ACTC1: variants seen among roughly 807,000 people sequenced by gnomAD.
ACTC1 encodes actin, alpha cardiac muscle 1.
In ACTC1, 10 loss-of-function variants were observed where a neutral mutation model predicts 31.6. The ratio of observed to expected loss-of-function variants is 0.32; its 90% confidence interval spans 0.19 to 0.54. The LOEUF is 0.54. Ranked by LOEUF, ACTC1 falls within the 20% of genes least tolerant of loss-of-function variation. ACTC1 has a pLI of 0.95. For missense variants in ACTC1, 129 were observed against 506.4 expected (o/e 0.25, Z 7.15); for synonymous variants, 196 against 185.0 (o/e 1.06, Z -0.48).
In ACTC1 at chr15:34,794,678, A is replaced by T; in HGVS notation, c.129+2T>A. 6.2e-7 allele frequency: 1 copy of T among 1,611,276 alleles called. No individual in the cohort carries two copies. Among genetic ancestry groups the T allele is most frequent in the Non-Finnish European group, 8.5e-7 (1 of 1,178,626 alleles). Reference sequence around the variant, plus strand: ...GGACGGGGGGCTCGGCGGGAAGTTTACCTGGTGCCGCGGGCGGCCCACGAT... The same window carrying T: ...GGACGGGGGGCTCGGCGGGAAGTTTTCCTGGTGCCGCGGGCGGCCCACGAT... On this transcript the variant is annotated splice_donor_variant, in intron 2 of 6. Coordinates refer to ENST00000290378, the MANE Select transcript of ACTC1 (RefSeq NM_005159.5). LOFTEE classifies it high-confidence loss of function.
rs373261583 is a variant in ACTC1, at chr15:34,793,453, G to A, written c.246C>T (p.Asp82=). 4.5e-5 allele frequency: 73 copies of A among 1,613,954 alleles called. No homozygotes were observed. The highest frequency in any genetic ancestry group is 1.1e-4 in the African/African-American group (8 of 74,880). ...PIEHGIITNW[D]DMEKIWHHTF... ...TGTGGTGCCAGATCTTCTCCATGTCGTCCCAGTTGGTGATGATACCATGCT... is the reference window on the plus strand; with the variant it reads ...TGTGGTGCCAGATCTTCTCCATGTCATCCCAGTTGGTGATGATACCATGCT... The change falls in exon 3 of 7, where the codon GAC becomes GAT. Residue 82 remains aspartate, a synonymous_variant. Coordinates refer to ENST00000290378, the MANE Select transcript of ACTC1 (RefSeq NM_005159.5). The surrounding 1 kb of genome is among the most constrained non-coding windows in gnomAD (Gnocchi z 4.8).
At chr15:34,795,075 A>G (rs1410297013) in intron 1 of ACTC1, among the ~76,000 whole-genome samples, 1 of 152,064 alleles carries the variant, frequency 6.6e-6, no homozygotes, top group Non-Finnish European at 1.5e-5. Context: ...AGTTCCAGCT[A>G]GGGTGCCAGG....
At chr15:34,791,889 G>T (rs1891713657) in intron 5 of ACTC1, 1 of 597,546 alleles carries the variant, frequency 1.7e-6, no homozygotes, top group Non-Finnish European at 2.9e-6. Flanking sequence ...TGAACTCAGT[G>T]TGTCATCCTT....
chr15:34,794,601 G>T, intron 2 of ACTC1, 79 bp downstream of exon 2: 1 of 1,516,496 alleles, frequency 6.6e-7, no homozygotes, highest in Non-Finnish European at 8.9e-7. Flanking sequence ...TCGAACAAGA[G>T]GGTCAGGTGA....
chr15:34,791,405 T>C, intron 5 of ACTC1, 110 bp from the exon 6 acceptor site: 1 of 1,417,530 alleles, frequency 7.1e-7, no homozygotes, highest in Non-Finnish European at 9.8e-7. Context: ...CTTCTTTGTG[T>C]GGGGGAGCTG....
At chr15:34,795,107 C>T (rs1891795370) in intron 1 of ACTC1, among the ~76,000 whole-genome samples, 1 of 152,072 alleles carries the variant, frequency 6.6e-6, no homozygotes, top group Non-Finnish European at 1.5e-5. Context: ...ACCCAAGAAA[C>T]CCAGCCCCTT....
Position 34,794,662 on chromosome 15 carries a change from G to A in ACTC1, c.129+18C>T. 6.2e-7 allele frequency: 1 copy of A among 1,608,470 alleles called. No homozygotes were observed. The highest frequency in any genetic ancestry group is 8.5e-7 in the Non-Finnish European group (1 of 1,176,892). ...GAAGGGGTCCCGAGTGGGACGGGGG[G>A]CTCGGCGGGAAGTTTACCTGGTGCC... On this transcript the variant is annotated intron_variant, in intron 2 of 6. Transcript: ENST00000290378.
rs1891676288 is a variant in ACTC1 at position 34,790,329 on chromosome 15, A to C, written c.*83T>G. ...AACAAACTGTACAATGATTGATGAA[A>C]GATGAGGGAAGGTGGTTTGGAAGAC... On this transcript the variant is annotated 3_prime_UTR_variant, in exon 7 of 7. Coordinates refer to ENST00000290378, the MANE Select transcript of ACTC1 (RefSeq NM_005159.5). The C allele has an allele frequency of 6.6e-7, 1 of 1,521,266 alleles. No homozygotes were observed. Among genetic ancestry groups the C allele is most frequent in the African/African-American group, 1.4e-5 (1 of 72,954 alleles). 94.2% of individuals were successfully genotyped at this position (1,521,266 alleles called of 1,614,324 possible).
Position 34,792,878 on chromosome 15 carries a change from A to C in ACTC1, c.455-309T>G. 2.0e-6 allele frequency: 1 copy of C among 507,356 alleles called. No individual in the cohort carries two copies. The highest frequency in any genetic ancestry group is 2.1e-5 in the South Asian group (1 of 47,588). The allele number at this position is 507,356 out of a possible 1,614,324, so 31.4% of individuals were successfully genotyped here. ...CCCAAGGGTGTTTTTCTTTGCTCCT[A>C]TTGAACTTACACGTTTCTCTCTCTT... is the stretch of plus-strand genomic sequence containing the variant. On this transcript the variant is annotated intron_variant, in intron 3 of 6. Coordinates refer to ENST00000290378, the MANE Select transcript of ACTC1 (RefSeq NM_005159.5). This position sits in a 1 kb window ranked among gnomAD's most constrained non-coding sequence, Gnocchi z 5.3.
Position 34,792,356 on chromosome 15 carries a change from A to G in ACTC1, c.616+52T>C. 1 of 1,613,994 alleles carries G rather than the reference A, an allele frequency of 6.2e-7. No individual in the cohort carries two copies. The highest frequency in any genetic ancestry group is 8.5e-7 in the Non-Finnish European group (1 of 1,179,852). On this transcript the variant is annotated intron_variant, in intron 4 of 6. Coordinates refer to ENST00000290378, the MANE Select transcript of ACTC1 (RefSeq NM_005159.5). This position sits in a 1 kb window ranked among gnomAD's most constrained non-coding sequence, Gnocchi z 5.3. ...TATAGGGAGGTAGGCGGATTCAGTG[A>G]GAGAGGAGGAAAGCAGACCCACACT...
rs1025398990 is a variant in ACTC1, at chr15:34,790,260, T to C, written c.*152A>G. On this transcript the variant is annotated 3_prime_UTR_variant, in exon 7 of 7. Coordinates refer to ENST00000290378, the MANE Select transcript of ACTC1 (RefSeq NM_005159.5). Reference sequence around the variant, plus strand: ...TGCAAGTCCTGGTCTGGTTTATTTATAAAGCAATAAATATTAGAAGCACAA... The same window carrying C: ...TGCAAGTCCTGGTCTGGTTTATTTACAAAGCAATAAATATTAGAAGCACAA... 1.8e-6 allele frequency: 2 copies of C among 1,083,268 alleles called. No individual in the cohort carries two copies. The highest frequency in any genetic ancestry group is 1.9e-5 in the Admixed American group (1 of 51,768). 67.1% of individuals were successfully genotyped at this position (1,083,268 alleles called of 1,614,324 possible).
Position 34,792,986 on chromosome 15 carries a change from T to A in ACTC1, c.454+259A>T. ...GATGGTTTAAACACATAACAATGAC[T>A]GCTGCACTCCAAGCTGCTACACTGC... On this transcript the variant is annotated intron_variant, in intron 3 of 6. Coordinates refer to ENST00000290378, the MANE Select transcript of ACTC1 (RefSeq NM_005159.5). The surrounding 1 kb of genome is among the most constrained non-coding windows in gnomAD (Gnocchi z 5.3). 1.8e-6 allele frequency: 1 copy of A among 560,138 alleles called. No individual in the cohort carries two copies. The highest frequency in any genetic ancestry group is 3.0e-5 in the East Asian group (1 of 32,898). 34.7% of individuals were successfully genotyped at this position (560,138 alleles called of 1,614,324 possible).
At chr15:34,791,854 C>G (rs1398928498) in intron 5 of ACTC1, 1 of 548,580 alleles carries the variant, frequency 1.8e-6, no homozygotes, top group Non-Finnish European at 3.3e-6. Flanking sequence ...TCAGTTACTA[C>G]TCTGTGTCAT....
chr15:34,794,601 G>C (rs1328394338), intron 2 of ACTC1, 79 bp downstream of exon 2: 2 of 1,516,498 alleles, frequency 1.3e-6, no homozygotes, highest in African/African-American at 1.4e-5. Flanking sequence ...TCGAACAAGA[G>C]GGTCAGGTGA....
Position 34,793,907 on chromosome 15 carries a change from T to C in ACTC1, c.130-338A>G, listed in dbSNP as rs1891759090. Reference sequence around the variant, plus strand: ...TCACCCATGTCAACTGGAATATAGATGACTGCATTTTGGAATGACTGAATT... The same window carrying C: ...TCACCCATGTCAACTGGAATATAGACGACTGCATTTTGGAATGACTGAATT... On this transcript the variant is annotated intron_variant, in intron 2 of 6. Coordinates refer to ENST00000290378, the MANE Select transcript of ACTC1 (RefSeq NM_005159.5). The surrounding 1 kb of genome is among the most constrained non-coding windows in gnomAD (Gnocchi z 4.8). Among the ~76,000 whole-genome samples the C allele has an allele frequency of 6.6e-6, 1 of 152,242 alleles. No individual in the cohort carries two copies. Among genetic ancestry groups the C allele is most frequent in the South Asian group, 2.1e-4 (1 of 4,832 alleles).
At chr15:34,794,869 G>T in intron 1 of ACTC1, 39 bp from the exon 2 acceptor site, 3 of 1,590,548 alleles carry the variant, frequency 1.9e-6, no homozygotes, top group South Asian at 1.1e-5. Flanking sequence ...ACGCTTAGCT[G>T]CCTGTGCAGC....
chr15:34,792,727 G>C lies in ACTC1; in HGVS notation c.455-158C>G. 1 of 773,204 alleles carries C rather than the reference G, an allele frequency of 1.3e-6. No homozygotes were observed. The highest frequency in any genetic ancestry group is 2.2e-6 in the Non-Finnish European group (1 of 461,236). The allele number at this position is 773,204 out of a possible 1,614,324, so 47.9% of individuals were successfully genotyped here. ...CCTTACACACAAAGAATAAAAATGCGCATCAGGAATACTAAATCTGAAGCA... is the reference window on the plus strand; with the variant it reads ...CCTTACACACAAAGAATAAAAATGCCCATCAGGAATACTAAATCTGAAGCA... On this transcript the variant is annotated intron_variant, in intron 3 of 6. Coordinates refer to ENST00000290378, the MANE Select transcript of ACTC1 (RefSeq NM_005159.5). The surrounding 1 kb of genome is among the most constrained non-coding windows in gnomAD (Gnocchi z 5.3).
intron 6 of ACTC1, 75 bp from the exon 7 acceptor site, chr15:34,790,630 T>G: frequency 6.4e-7 from 1 of 1,569,064 alleles, no homozygotes; most frequent in Non-Finnish European, 8.8e-7. Flanking sequence ...ATTGGGAGGA[T>G]TCACAGAAAA....
In ACTC1 at chr15:34,791,307, T is replaced by TCACACACACACACA. The variant is rs59431308; in HGVS notation, c.809-26_809-13dup. ...AGCAGATTCCATACCTGGGAACGAG[T>TCACACACACACACA]CACACACACACACACACACACACAC... On this transcript the variant is annotated splice_polypyrimidine_tract_variant and intron_variant, in intron 5 of 6. Coordinates refer to ENST00000290378, the MANE Select transcript of ACTC1 (RefSeq NM_005159.5). 3.4e-5 allele frequency: 44 copies of TCACACACACACACA among 1,309,238 alleles called. No individual in the cohort carries two copies. The African/African-American group carries it at 4.5e-4, about 13-fold the overall frequency. 81.1% of individuals were successfully genotyped at this position (1,309,238 alleles called of 1,614,324 possible). A position where few individuals can be genotyped will look rare whatever the true frequency, so the allele number is the denominator to read the frequency against.
Sources: allele counts gnomAD v4.1 joint callset (sites outside exome capture counted in the v4.1 genomes callset), GRCh38; gene constraint gnomAD v4.1.1; non-coding constraint Gnocchi (gnomAD v3.1); transcripts MANE v1.5; gene names NCBI Gene and HGNC (gene_info 2026-07-23, HGNC 2026-07-21).